ALKBH7: variants seen among roughly 807,000 people sequenced by gnomAD.
ALKBH7 encodes alkB homolog 7, RNA demethylase, also known as RNA demethylase ALKBH7, mitochondrial.
ALKBH7 carries 21 observed loss-of-function variants against 19.3 expected under a neutral mutation model. That is an observed-to-expected ratio of 1.09 (90% CI 0.77 to 1.56). The LOEUF is 1.56. Among genes scored for constraint, ALKBH7 ranks in the 40% most tolerant of loss-of-function variants. The probability of loss-of-function intolerance (pLI) is 0.00; values close to 1 mark genes in which losing one functional copy is unlikely to be tolerated. For synonymous variants in ALKBH7, 147 were observed against 139.5 expected (o/e 1.05, Z -0.38); for missense variants, 354 against 311.4 (o/e 1.14, Z -1.03).
At chr19:6,374,170 G>A in intron 1 of ALKBH7, 33 bp from the exon 2 acceptor site, 3 of 1,597,946 alleles carry the variant, frequency 1.9e-6, no homozygotes, top group East Asian at 2.2e-5. Flanking sequence ...TTCCCTCTGG[G>A]AGCTCCCAGG....
intron 1 of ALKBH7, chr19:6,373,854 C>G (rs1031735772): frequency 7.6e-7 from 1 of 1,311,772 alleles, no homozygotes; most frequent in African/African-American, 1.5e-5. Flanking sequence ...AGGGAGAGCA[C>G]TTTTGCGACC....
Position 6,373,042 on chromosome 19 carries a change from G to C in ALKBH7, c.204+18G>C. 2 of 1,548,246 alleles carry C rather than the reference G, an allele frequency of 1.3e-6. No individual in the cohort carries two copies. The highest frequency in any genetic ancestry group is 2.3e-4 in the Middle Eastern group (1 of 4,350). On this transcript the variant is annotated intron_variant, in intron 1 of 3. Transcript: ENST00000245812. ...GGGACGCGGTGAGACCGGCAGCGCC[G>C]GGGGCGAGGGACGGGGGCTCGTCGG... is the stretch of plus-strand genomic sequence containing the variant.
In ALKBH7 at chr19:6,374,483, G is replaced by A. The variant is rs528550148; in HGVS notation, c.397G>A (p.Ala133Thr). The change falls in exon 3 of 4, where the codon GCC (alanine) becomes ACC (threonine). Residue 133 changes from alanine to threonine, a missense_variant. By Grantham distance (58) the Ala-to-Thr change is moderately conservative (BLOSUM62 0). Transcript: ENST00000245812. ...TTTGCAGTTCTGCGGGGCCACCATC[G>A]CCGGCCTGTCTCTCCTGTCTCCCAG... ...DSIKFCGATI[A>T]GLSLLSPSVM... is the part of the protein sequence containing the mutation. The A allele has an allele frequency of 6.8e-6, 11 of 1,613,758 alleles. No homozygotes were observed. In the Admixed American group the frequency reaches 1.7e-4, roughly 24 times the overall value.
intron 1 of ALKBH7, 116 bp downstream of exon 1, chr19:6,373,140 TG>T: frequency 7.7e-7 from 1 of 1,299,856 alleles, no homozygotes; most frequent in South Asian, 1.5e-5. Context: ...AGCGGGGATT[TG>T]GAGCGGGGAC....
In ALKBH7 at chr19:6,372,836, C is replaced by G. The variant is rs1365003627; in HGVS notation, c.16C>G (p.Leu6Val). 4.5e-6 allele frequency: 7 copies of G among 1,545,582 alleles called. No individual in the cohort carries two copies. Among genetic ancestry groups the G allele is most frequent in the Admixed American group, 1.9e-5 (1 of 51,400 alleles). Residue 6 changes from leucine (L) to valine (V), a missense_variant, in exon 1 of 4, where the codon CTG becomes GTG. Coordinates refer to ENST00000245812, the MANE Select transcript of ALKBH7 (RefSeq NM_032306.4). The part of the protein sequence containing the change: MAGTG[L>V]LALRTLPGPS... ...CTCCGGGATTATGGCCGGGACTGGG[C>G]TGCTGGCGCTGCGGACGCTGCCAGG...
Position 6,374,296 on chromosome 19 carries a change from G to A in ALKBH7, c.298G>A (p.Gly100Ser). The A allele has an allele frequency of 1.9e-6, 3 of 1,613,152 alleles. No homozygotes were observed. The highest frequency in any genetic ancestry group is 2.5e-6 in the Non-Finnish European group (3 of 1,179,774). Residue 100 changes from glycine (G) to serine (S), a missense_variant, in exon 2 of 4, where the codon GGC (glycine) becomes AGC (serine). Transcript: ENST00000245812. ...QRVQAAAFGP[G>S]QTLLSSVHVL... ...CGTGCAGGCGGCCGCCTTTGGCCCCGGCCAGACCCTGCTCTCCTCCGTGCA... is the reference window on the plus strand; with the variant it reads ...CGTGCAGGCGGCCGCCTTTGGCCCCAGCCAGACCCTGCTCTCCTCCGTGCA...
chr19:6,373,539 G>A (rs1299276194), intron 1 of ALKBH7: 2 of 812,126 alleles, frequency 2.5e-6, no homozygotes, highest in African/African-American at 1.8e-5. Flanking sequence ...CGTGGCGGCT[G>A]GGATTGGGGC....
Position 6,374,887 on chromosome 19 carries a change from C to CG in ALKBH7, c.584dup (p.Arg196ProfsTer12), listed in dbSNP as rs1225056198. ...CTTCTTTGGGGAACGCCGGATTCCC[C>CG]GGGGCCGGCGCATCTCCGTGATCTG... On this transcript the variant is annotated frameshift_variant, in exon 4 of 4. Transcript: ENST00000245812. LOFTEE classifies it low-confidence loss of function (END_TRUNC). 17 of 1,613,930 alleles carry CG rather than the reference C, an allele frequency of 1.1e-5. No homozygotes were observed. The highest frequency in any genetic ancestry group is 1.4e-5 in the Non-Finnish European group (17 of 1,179,984).
intron 1 of ALKBH7, chr19:6,373,981 C>A (rs900010595): frequency 1.0e-5 from 10 of 984,986 alleles, no homozygotes; most frequent in Non-Finnish European, 1.2e-5. Context: ...ATGCTGGGGC[C>A]GGGCCAGCAT....
Position 6,374,837 on chromosome 19 carries a change from A to T in ALKBH7, c.530A>T (p.His177Leu). 6.2e-7 allele frequency: 1 copy of T among 1,613,748 alleles called. No homozygotes were observed. Among genetic ancestry groups the T allele is most frequent in the East Asian group, 2.2e-5 (1 of 44,860 alleles). ...GGCTCAGCCCGTTATGACTTCTCCCATGAGATCCTTCGGGATGAAGAGTCC... is the reference window on the plus strand; with the variant it reads ...GGCTCAGCCCGTTATGACTTCTCCCTTGAGATCCTTCGGGATGAAGAGTCC... ...LRGSARYDFS[H>L]EILRDEESFF... The change falls in exon 4 of 4, where the codon CAT (histidine) becomes CTT (leucine). Residue 177 changes from histidine to leucine, a missense_variant. Coordinates refer to ENST00000245812, the MANE Select transcript of ALKBH7 (RefSeq NM_032306.4).
chr19:6,373,032 C>T lies in ALKBH7; in HGVS notation c.204+8C>T, dbSNP rs200205552. ...TACGATCACTGGGACGCGGTGAGACCGGCAGCGCCGGGGGCGAGGGACGGG... is the reference window on the plus strand; with the variant it reads ...TACGATCACTGGGACGCGGTGAGACTGGCAGCGCCGGGGGCGAGGGACGGG... On this transcript the variant is annotated splice_region_variant and intron_variant, in intron 1 of 3. Transcript: ENST00000245812. 3 of 1,554,918 alleles carry T rather than the reference C, an allele frequency of 1.9e-6. No individual in the cohort carries two copies. Among genetic ancestry groups the T allele is most frequent in the Non-Finnish European group, 2.6e-6 (3 of 1,152,566 alleles).
intron 1 of ALKBH7, chr19:6,373,748 C>T: frequency 8.0e-7 from 1 of 1,253,166 alleles, no homozygotes; most frequent in Non-Finnish European, 1.0e-6. Flanking sequence ...GGGTCGGTAG[C>T]TATTGCAGGG....
In ALKBH7 at chr19:6,375,081, C is replaced by A; in HGVS notation, c.*108C>A. 1 of 1,436,564 alleles carries A rather than the reference C, an allele frequency of 7.0e-7. No homozygotes were observed. Among genetic ancestry groups the A allele is most frequent in the Non-Finnish European group, 9.2e-7 (1 of 1,086,378 alleles). The allele number at this position is 1,436,564 out of a possible 1,614,324, so 89.0% of individuals were successfully genotyped here. On this transcript the variant is annotated 3_prime_UTR_variant, in exon 4 of 4. Coordinates refer to ENST00000245812, the MANE Select transcript of ALKBH7 (RefSeq NM_032306.4). ...CTGGGGCCGGGATTTGCAGGGGAAC[C>A]CAGGATGGCACTGGCCCATAGGGAG...
intron 3 of ALKBH7, 27 bp downstream of exon 3, chr19:6,374,616 C>G: frequency 6.2e-7 from 1 of 1,612,216 alleles, no homozygotes; most frequent in South Asian, 1.1e-5. Context: ...AGCACCCACC[C>G]CTCCAAGAAT....
chr19:6,374,096 CAA>C, intron 1 of ALKBH7, 105 bp from the exon 2 acceptor site: 1 of 1,567,026 alleles, frequency 6.4e-7, no homozygotes, highest in African/African-American at 1.4e-5. Flanking sequence ...AGGGCAGGGT[CAA>C]GAGTCACATA....
In ALKBH7 at chr19:6,373,030, A is replaced by T. The variant is rs1568325234; in HGVS notation, c.204+6A>T. On this transcript the variant is annotated splice_donor_region_variant and intron_variant, in intron 1 of 3. Transcript: ENST00000245812. Reference sequence around the variant, plus strand: ...AATACGATCACTGGGACGCGGTGAGACCGGCAGCGCCGGGGGCGAGGGACG... The same window carrying T: ...AATACGATCACTGGGACGCGGTGAGTCCGGCAGCGCCGGGGGCGAGGGACG... 3 of 1,558,064 alleles carry T rather than the reference A, an allele frequency of 1.9e-6. No individual in the cohort carries two copies. Among genetic ancestry groups the T allele is most frequent in the Non-Finnish European group, 2.6e-6 (3 of 1,154,124 alleles).
At position 6,375,080 on chromosome 19, in the gene ALKBH7, C is replaced by A; in HGVS notation, c.*107C>A. 7.0e-7 allele frequency: 1 copy of A among 1,435,354 alleles called. No individual in the cohort carries two copies. Among genetic ancestry groups the A allele is most frequent in the Non-Finnish European group, 9.2e-7 (1 of 1,085,290 alleles). 88.9% of individuals were successfully genotyped at this position (1,435,354 alleles called of 1,614,324 possible). On this transcript the variant is annotated 3_prime_UTR_variant, in exon 4 of 4. Coordinates refer to ENST00000245812, the MANE Select transcript of ALKBH7 (RefSeq NM_032306.4). ...GCTGGGGCCGGGATTTGCAGGGGAA[C>A]CCAGGATGGCACTGGCCCATAGGGA... is the stretch of plus-strand genomic sequence containing the variant.
intron 1 of ALKBH7, chr19:6,373,627 G>C: frequency 8.0e-7 from 1 of 1,245,754 alleles, no homozygotes; most frequent in Non-Finnish European, 1.0e-6. Context: ...GCCGGGATGG[G>C]TTGGGGCCAT....
intron 3 of ALKBH7, 94 bp downstream of exon 3, chr19:6,374,683 AGACGCCTTTACCCCAG>A: frequency 6.2e-7 from 1 of 1,604,992 alleles, no homozygotes; most frequent in Non-Finnish European, 8.5e-7. Context: ...CCCTCCCCGA[AGACGCCTTTACCCCAG>A]GGTCTGTGTG....
Sources: allele counts gnomAD v4.1 joint callset, GRCh38; gene constraint gnomAD v4.1.1; transcripts MANE v1.5; gene names NCBI Gene and HGNC (gene_info 2026-07-23, HGNC 2026-07-21).